The following GSK3B variants were observed in gnomAD, a reference collection of about 807,000 sequenced individuals.
GSK3B encodes the protein glycogen synthase kinase-3 beta.
In GSK3B, 15 loss-of-function variants were observed where a neutral mutation model predicts 56.4. The observed-to-expected ratio is 0.27, with a 90% CI of 0.18 to 0.41. The LOEUF (loss-of-function observed/expected upper bound fraction) is 0.41. Ranked by LOEUF, GSK3B falls within the 10% of genes least tolerant of loss-of-function variation. The probability of loss-of-function intolerance (pLI) is 1.00; values close to 1 mark genes in which losing one functional copy is unlikely to be tolerated. For synonymous variants in GSK3B, 181 were observed against 188.9 expected (o/e 0.96, Z 0.34); for missense variants, 300 against 513.4 (o/e 0.58, Z 4.02).
At chr3:119,842,310 G>A (rs544720795) in intron 10 of GSK3B, among the ~76,000 whole-genome samples, 5 of 152,070 alleles carry the variant, frequency 3.3e-5, no homozygotes, top group Admixed American at 6.6e-5. Flanking sequence ...GCTCTAACCC[G>A]TGAATAATTT....
At chr3:120,007,095 C>G (rs1017832208) in intron 1 of GSK3B, among the ~76,000 whole-genome samples, 2 of 152,068 alleles carry the variant, frequency 1.3e-5, no homozygotes, top group Non-Finnish European at 2.9e-5. Context: ...CCACTGATCC[C>G]ACAGAAATAC....
chr3:120,037,876 C>T (rs1306260750), intron 1 of GSK3B, among the ~76,000 whole-genome samples: 1 of 152,146 alleles, frequency 6.6e-6, no homozygotes, highest in East Asian at 1.9e-4. Context: ...CATAGGTTAA[C>T]ACTATTATAT....
chr3:119,824,350 C>T lies in GSK3B; in HGVS notation c.*2438G>A, dbSNP rs1207527607. 24 of 223,888 alleles carry T rather than the reference C, an allele frequency of 1.1e-4. No individual in the cohort carries two copies. The East Asian group carries it at 1.3e-3, about 13-fold the overall frequency. The allele number at this position is 223,888 out of a possible 1,614,324, so 13.9% of individuals were successfully genotyped here. ...CTCAGCACACACACACACACACACACACGCACACATGCACACACAATGAAA... is the reference window on the plus strand; with the variant it reads ...CTCAGCACACACACACACACACACATACGCACACATGCACACACAATGAAA... On this transcript the variant is annotated 3_prime_UTR_variant, in exon 11 of 11. Coordinates refer to ENST00000264235, the MANE Select transcript of GSK3B (RefSeq NM_001146156.2).
chr3:119,968,185 A>G (rs2057336851), intron 2 of GSK3B, among the ~76,000 whole-genome samples: 1 of 151,988 alleles, frequency 6.6e-6, no homozygotes, highest in South Asian at 2.1e-4. Context: ...TCATAAAGAT[A>G]GGGGCTCCCT....
chr3:120,075,878 C>G (rs1390517339), intron 1 of GSK3B, among the ~76,000 whole-genome samples: 1 of 152,062 alleles, frequency 6.6e-6, no homozygotes, highest in Non-Finnish European at 1.5e-5. Flanking sequence ...AAAAAGCAAT[C>G]CTAAAATTCA....
chr3:120,088,947 T>C (rs1419966155), intron 1 of GSK3B, among the ~76,000 whole-genome samples: 1 of 152,238 alleles, frequency 6.6e-6, no homozygotes, highest in Non-Finnish European at 1.5e-5. Flanking sequence ...CACAGCCTTC[T>C]CTATGCATAA....
chr3:119,935,263 T>C (rs1490549165), intron 3 of GSK3B, among the ~76,000 whole-genome samples: 2 of 152,128 alleles, frequency 1.3e-5, no homozygotes, highest in Middle Eastern at 3.2e-3. Context: ...CGAACTTAGA[T>C]AGGTAATCAC....
chr3:119,965,967 G>A (rs550488986), intron 2 of GSK3B, among the ~76,000 whole-genome samples: 2 of 152,280 alleles, frequency 1.3e-5, no homozygotes, highest in African/African-American at 4.8e-5. Context: ...GATTTCATGT[G>A]AGCACAATTT....
intron 10 of GSK3B, among the ~76,000 whole-genome samples, chr3:119,833,624 G>A (rs2055638133): frequency 6.8e-6 from 1 of 148,010 alleles, no homozygotes; most frequent in Admixed American, 6.8e-5. Context: ...ACATATTTTA[G>A]ACAAATCAAA....
chr3:119,999,051 T>C (rs953459674), intron 2 of GSK3B, among the ~76,000 whole-genome samples: 4 of 152,208 alleles, frequency 2.6e-5, no homozygotes, highest in Admixed American at 1.3e-4. Flanking sequence ...AAAGCACATA[T>C]ATACAATGTT....
At chr3:119,869,303 G>T (rs374426950) in intron 8 of GSK3B, among the ~76,000 whole-genome samples, 4 of 149,098 alleles carry the variant, frequency 2.7e-5, no homozygotes, top group South Asian at 4.3e-4. Flanking sequence ...ATGATGCACT[G>T]ACATACAAGG....
rs2055423005 is a variant in GSK3B at position 119,822,320 on chromosome 3, G to C, written c.*4468C>G. 5.1e-6 allele frequency: 1 copy of C among 194,222 alleles called. No homozygotes were observed. The highest frequency in any genetic ancestry group is 8.1e-5 in the East Asian group (1 of 12,332). The allele number at this position is 194,222 out of a possible 1,614,324, so 12.0% of individuals were successfully genotyped here. ...TAAGATGGAAGTGGTCACGCTAATT[G>C]GTATGTGTACAGGCCCAAGTGATCC... On this transcript the variant is annotated 3_prime_UTR_variant, in exon 11 of 11. Transcript: ENST00000264235.
intron 8 of GSK3B, among the ~76,000 whole-genome samples, chr3:119,873,273 C>G (rs368453983): frequency 1.3e-5 from 2 of 152,144 alleles, no homozygotes; most frequent in East Asian, 1.9e-4. Context: ...ACACCTGTAT[C>G]CCCTTACCTC....
chr3:119,944,881 T>G (rs1289902792), intron 3 of GSK3B, among the ~76,000 whole-genome samples: 4 of 152,218 alleles, frequency 2.6e-5, no homozygotes, highest in African/African-American at 7.2e-5. Context: ...ATAAATCATC[T>G]TCAAGGATTT....
chr3:120,028,331 A>G (rs2057945494), intron 1 of GSK3B, among the ~76,000 whole-genome samples: 1 of 152,224 alleles, frequency 6.6e-6, no homozygotes. Flanking sequence ...TCATCATACC[A>G]TAACTAGAAC....
chr3:120,037,478 A>T (rs1257840881), intron 1 of GSK3B, among the ~76,000 whole-genome samples: 1 of 152,214 alleles, frequency 6.6e-6, no homozygotes, highest in African/African-American at 2.4e-5. Context: ...GAGATAACTC[A>T]AAATCTAAAA....
At chr3:119,889,068 C>T (rs1394670953) in intron 7 of GSK3B, among the ~76,000 whole-genome samples, 1 of 152,122 alleles carries the variant, frequency 6.6e-6, no homozygotes, top group Non-Finnish European at 1.5e-5. Context: ...TGTCCTGTTT[C>T]CTCACAAGCA....
intron 8 of GSK3B, among the ~76,000 whole-genome samples, chr3:119,868,667 T>C (rs987652280): frequency 3.9e-5 from 6 of 152,214 alleles, no homozygotes; most frequent in Non-Finnish European, 5.9e-5. Flanking sequence ...CAGTGATAAT[T>C]AATCTAACAG....
chr3:119,948,982 G>A (rs948985659), intron 2 of GSK3B, among the ~76,000 whole-genome samples: 3 of 152,198 alleles, frequency 2.0e-5, no homozygotes, highest in Non-Finnish European at 1.5e-5. Context: ...GATTACAGGC[G>A]TGAGCCACAG....
Sources: allele counts gnomAD v4.1 joint callset (sites outside exome capture counted in the v4.1 genomes callset), GRCh38; gene constraint gnomAD v4.1.1; transcripts MANE v1.5; gene names NCBI Gene and HGNC (gene_info 2026-07-23, HGNC 2026-07-21).